BNC2: variants seen among roughly 807,000 people sequenced by gnomAD.
BNC2 encodes zinc finger protein basonuclin-2.
A neutral mutation model predicts 76.3 loss-of-function variants in BNC2; 20 were observed. That is an observed-to-expected ratio of 0.26 (90% confidence interval 0.18 to 0.38). BNC2 has a LOEUF of 0.38. Among genes scored for constraint, BNC2 ranks in the 10% least tolerant of loss-of-function variants. BNC2 has a pLI of 1.00. For missense variants in BNC2, 1,382 were observed against 1,399.8 expected (o/e 0.99, Z 0.20); for synonymous variants, 582 against 514.8 (o/e 1.13, Z -1.77).
intron 3 of BNC2, among the ~76,000 whole-genome samples, chr9:16,672,367 G>A (rs1822504649): frequency 6.6e-6 from 1 of 152,040 alleles, no homozygotes; most frequent in South Asian, 2.1e-4. Flanking sequence ...CATGGTGGCG[G>A]GCACCTGTAG....
intron 4 of BNC2, among the ~76,000 whole-genome samples, chr9:16,561,819 C>T (rs961538922): frequency 6.6e-5 from 10 of 152,100 alleles, no homozygotes; most frequent in South Asian, 2.1e-4. Flanking sequence ...GCCTGGGCAA[C>T]GTGGTGAAAC....
chr9:16,662,410 A>G (rs1822135464), intron 3 of BNC2, among the ~76,000 whole-genome samples: 1 of 152,198 alleles, frequency 6.6e-6, no homozygotes, highest in Non-Finnish European at 1.5e-5. Context: ...GCATGGTCAG[A>G]GGTAATTGGC....
chr9:16,498,201 T>C (rs1157908080), intron 5 of BNC2, among the ~76,000 whole-genome samples: 1 of 131,926 alleles, frequency 7.6e-6, no homozygotes, highest in East Asian at 2.0e-4. Context: ...ATATATATAT[T>C]CCATCATATA....
chr9:16,728,309 T>G, intron 2 of BNC2: 2 of 441,102 alleles, frequency 4.5e-6, no homozygotes, highest in South Asian at 4.1e-5. Flanking sequence ...AAGAGTCAAC[T>G]GCACTGTTCC....
intron 4 of BNC2, among the ~76,000 whole-genome samples, chr9:16,581,024 C>T (rs1431213682): frequency 6.6e-6 from 1 of 152,100 alleles, no homozygotes; most frequent in East Asian, 1.9e-4. Flanking sequence ...AGGATATAAG[C>T]TCTGTACCTA....
intron 1 of BNC2, among the ~76,000 whole-genome samples, chr9:16,814,925 T>C (rs1207855161): frequency 6.6e-6 from 1 of 152,030 alleles, no homozygotes; most frequent in Non-Finnish European, 1.5e-5. Flanking sequence ...CCTTATGATC[T>C]CCAAGGAAAC....
intron 1 of BNC2, among the ~76,000 whole-genome samples, chr9:16,760,736 T>TATC (rs1303536594): frequency 1.3e-5 from 2 of 152,166 alleles, no homozygotes; most frequent in African/African-American, 4.8e-5. Context: ...ACCAAAGGTG[T>TATC]ATCTAACCAC....
At chr9:16,833,803 G>T (rs762313308) in intron 1 of BNC2, among the ~76,000 whole-genome samples, 1 of 152,136 alleles carries the variant, frequency 6.6e-6, no homozygotes, top group African/African-American at 2.4e-5. Context: ...ATTTCATTTA[G>T]AGTAGTAACT....
rs1822358017 is a variant in BNC2, at chr9:16,495,033, CG to C, written c.669+57496del. Among the ~76,000 whole-genome samples, 3 of 152,128 alleles carry C rather than the reference CG, an allele frequency of 2.0e-5. No individual in the cohort carries two copies. In the South Asian group the frequency reaches 6.2e-4, roughly 32 times the overall value. On this transcript the variant is annotated intron_variant, in intron 5 of 6. Transcript: ENST00000380672. ...TTTCAACCCAGGAGAAAGTCAATGACGTATCATTAGCAAGTGTGACTTTCCA... is the reference window on the plus strand; with the variant it reads ...TTTCAACCCAGGAGAAAGTCAATGACTATCATTAGCAAGTGTGACTTTCCA...
At chr9:16,848,666 A>C (rs1309482639) in intron 1 of BNC2, among the ~76,000 whole-genome samples, 2 of 152,228 alleles carry the variant, frequency 1.3e-5, no homozygotes, top group Non-Finnish European at 1.5e-5. Context: ...TTAGTTATAA[A>C]AAAGACTTTG....
At chr9:16,432,496 G>A (rs1185298233) in intron 6 of BNC2, among the ~76,000 whole-genome samples, 1 of 152,160 alleles carries the variant, frequency 6.6e-6, no homozygotes, top group African/African-American at 2.4e-5. Context: ...AACCACTTTG[G>A]GAGAAGCCCA....
In BNC2 at chr9:16,437,634, A is replaced by G. The variant is rs183300969; in HGVS notation, c.670-110T>C. 1.9e-5 allele frequency: 25 copies of G among 1,314,152 alleles called. No homozygotes were observed. The East Asian group carries it at 5.2e-4, about 27-fold the overall frequency. 81.4% of individuals were successfully genotyped at this position (1,314,152 alleles called of 1,614,324 possible). On this transcript the variant is annotated intron_variant, in intron 5 of 6. Coordinates refer to ENST00000380672, the MANE Select transcript of BNC2 (RefSeq NM_017637.6). ...CTGTGTGCTCATAAAACACTGAGCA[A>G]GAGCAGAAAACAACATGCAAGCACT...
chr9:16,460,188 G>A (rs1821544579), intron 5 of BNC2, among the ~76,000 whole-genome samples: 1 of 152,038 alleles, frequency 6.6e-6, no homozygotes, highest in Non-Finnish European at 1.5e-5. Flanking sequence ...ATCATTGAAG[G>A]GAAATTCAGT....
At chr9:16,669,260 G>A (rs1277042345) in intron 3 of BNC2, among the ~76,000 whole-genome samples, 1 of 152,140 alleles carries the variant, frequency 6.6e-6, no homozygotes, top group Non-Finnish European at 1.5e-5. Context: ...TGTTCCTGAA[G>A]AGCCCACTAA....
chr9:16,853,888 A>C (rs1398192950), intron 1 of BNC2, among the ~76,000 whole-genome samples: 1 of 152,144 alleles, frequency 6.6e-6, no homozygotes, highest in African/African-American at 2.4e-5. Context: ...AATAAAATAA[A>C]ATTTGGAGTT....
At chr9:16,632,149 C>T (rs1412698423) in intron 3 of BNC2, among the ~76,000 whole-genome samples, 1 of 152,176 alleles carries the variant, frequency 6.6e-6, no homozygotes, top group African/African-American at 2.4e-5. Context: ...CCAGAAGAGT[C>T]AGGACTACCC....
chr9:16,786,020 C>T (rs1267456974), intron 1 of BNC2, among the ~76,000 whole-genome samples: 1 of 152,004 alleles, frequency 6.6e-6, no homozygotes, highest in Non-Finnish European at 1.5e-5. Flanking sequence ...ACCACAGACA[C>T]CTTCCCTTGT....
intron 1 of BNC2, among the ~76,000 whole-genome samples, chr9:16,836,410 T>G (rs904385486): frequency 1.3e-5 from 2 of 151,442 alleles, no homozygotes; most frequent in African/African-American, 4.9e-5. Flanking sequence ...CATAAAGGGG[T>G]ATATGAAAAT....
At chr9:16,491,048 GCAGA>G (rs1262104434) in intron 5 of BNC2, among the ~76,000 whole-genome samples, 3 of 152,184 alleles carry the variant, frequency 2.0e-5, no homozygotes, top group Non-Finnish European at 4.4e-5. Context: ...GGACAGAGAC[GCAGA>G]CAGACAACGT....
Sources: gnomAD v4.1 joint callset for allele counts (sites outside exome capture counted in the v4.1 genomes callset) on GRCh38, gnomAD v4.1.1 for gene constraint, MANE v1.5 for transcripts, NCBI Gene and HGNC (gene_info 2026-07-23, HGNC 2026-07-21) for gene names.